FOXO1: variants seen among roughly 807,000 people sequenced by gnomAD.
FOXO1 encodes the protein forkhead box O1.
FOXO1 carries 6 observed loss-of-function variants against 44.1 expected under a neutral mutation model. The ratio of observed to expected loss-of-function variants is 0.14; its 90% CI spans 0.07 to 0.27. The LOEUF (loss-of-function observed/expected upper bound fraction) is 0.27. FOXO1 is among the 10% of genes least tolerant of loss of function. The probability of loss-of-function intolerance (pLI) is 1.00; values close to 1 mark genes in which losing one functional copy is unlikely to be tolerated. For synonymous variants in FOXO1, 380 were observed against 362.7 expected, an observed-to-expected ratio of 1.05 and a Z score of -0.54; for missense variants, 737 against 888.8, an observed-to-expected ratio of 0.83 and a Z score of 2.17.
chr13:40,640,453 G>A (rs1260129170), intron 1 of FOXO1, among the ~76,000 whole-genome samples: 2 of 152,186 alleles, frequency 1.3e-5, no homozygotes, highest in Admixed American at 1.3e-4. Context: ...GCGCTCCTGG[G>A]CGCTATTCTG....
In FOXO1 at chr13:40,566,743, A is replaced by C. The variant is rs142106210; in HGVS notation, c.631-5883T>G. Among the ~76,000 whole-genome samples, 13 of 152,284 alleles carry C rather than the reference A, an allele frequency of 8.5e-5. No homozygotes were observed. The East Asian group carries it at 2.5e-3, about 29-fold the overall frequency. ...TTGTGAATGTATTATATAATTACAC[A>C]ATATATTTAAAGTGTATAAACAAAT... On this transcript the variant is annotated intron_variant, in intron 1 of 2. Transcript: ENST00000379561.
At chr13:40,643,813 T>C (rs1043822534) in intron 1 of FOXO1, among the ~76,000 whole-genome samples, 6 of 152,196 alleles carry the variant, frequency 3.9e-5, no homozygotes, top group Admixed American at 6.5e-5. Context: ...ATGCTATTGC[T>C]GTATAATACA....
chr13:40,578,017 G>C (rs1165494127), intron 1 of FOXO1, among the ~76,000 whole-genome samples: 1 of 152,192 alleles, frequency 6.6e-6, no homozygotes, highest in Admixed American at 6.5e-5. Context: ...GAACATGGAT[G>C]CAGAATGTGC....
chr13:40,638,467 G>A (rs1877234420), intron 1 of FOXO1, among the ~76,000 whole-genome samples: 1 of 152,080 alleles, frequency 6.6e-6, no homozygotes, highest in Non-Finnish European at 1.5e-5. Flanking sequence ...ATATTAAGAT[G>A]TTTCCTGGGA....
At chr13:40,665,053 G>A (rs1294130655) in intron 1 of FOXO1, among the ~76,000 whole-genome samples, 1 of 151,762 alleles carries the variant, frequency 6.6e-6, no homozygotes, top group African/African-American at 2.4e-5. Flanking sequence ...GCCCTGCACC[G>A]TCCCCGGCCG....
chr13:40,647,044 G>C (rs1005250033), intron 1 of FOXO1, among the ~76,000 whole-genome samples: 1 of 152,166 alleles, frequency 6.6e-6, no homozygotes, highest in Admixed American at 6.5e-5. Flanking sequence ...CACCAGAGTA[G>C]ACAAGAAAAG....
intron 1 of FOXO1, among the ~76,000 whole-genome samples, chr13:40,653,735 T>C (rs1877760985): frequency 6.6e-6 from 1 of 152,170 alleles, no homozygotes. Context: ...CTTGGCTACT[T>C]TCAGATTTTT....
intron 1 of FOXO1, among the ~76,000 whole-genome samples, chr13:40,605,887 A>G (rs1002320355): frequency 2.0e-5 from 3 of 152,188 alleles, no homozygotes; most frequent in African/African-American, 7.2e-5. Context: ...ACCTCTTATC[A>G]GCTGACAAGT....
intron 1 of FOXO1, among the ~76,000 whole-genome samples, chr13:40,632,034 G>C (rs964552305): frequency 6.6e-6 from 1 of 152,204 alleles, no homozygotes; most frequent in African/African-American, 2.4e-5. Flanking sequence ...CACTTTGGGA[G>C]GCCATGGCAG....
intron 1 of FOXO1, among the ~76,000 whole-genome samples, chr13:40,629,669 A>C (rs1047079109): frequency 5.9e-5 from 9 of 152,196 alleles, no homozygotes; most frequent in African/African-American, 2.2e-4. Flanking sequence ...GCCACTCAAG[A>C]AGTTTCAGAT....
At chr13:40,630,352 A>G (rs753392101) in intron 1 of FOXO1, among the ~76,000 whole-genome samples, 1 of 152,118 alleles carries the variant, frequency 6.6e-6, no homozygotes, top group Non-Finnish European at 1.5e-5. Flanking sequence ...AGCAAAAATC[A>G]TTTGTCAACA....
chr13:40,579,448 A>G (rs9532562), intron 1 of FOXO1, among the ~76,000 whole-genome samples: 26,588 of 152,214 alleles, frequency 0.17, 2,700 homozygotes, highest in South Asian at 0.32. Flanking sequence ...TCAGAAATAC[A>G]CAGGCAGAGT....
intron 1 of FOXO1, among the ~76,000 whole-genome samples, chr13:40,589,690 G>T (rs976886906): frequency 6.6e-6 from 1 of 152,186 alleles, no homozygotes; most frequent in Non-Finnish European, 1.5e-5. Flanking sequence ...TATTGTTTCA[G>T]AACAAATTTC....
intron 1 of FOXO1, among the ~76,000 whole-genome samples, chr13:40,592,596 G>T (rs974795862): frequency 9.9e-5 from 15 of 152,202 alleles, no homozygotes; most frequent in Admixed American, 6.5e-4. Context: ...CAGAACTACA[G>T]CATCAGGTTA....
chr13:40,652,955 A>G (rs1222570187), intron 1 of FOXO1, among the ~76,000 whole-genome samples: 4 of 149,976 alleles, frequency 2.7e-5, no homozygotes, highest in Non-Finnish European at 5.9e-5. Flanking sequence ...TAAATTTGAA[A>G]TCTAAGTGCA....
intron 1 of FOXO1, among the ~76,000 whole-genome samples, chr13:40,660,285 C>T (rs1322600946): frequency 6.6e-6 from 1 of 152,196 alleles, no homozygotes; most frequent in Non-Finnish European, 1.5e-5. Context: ...TCCCCAATCA[C>T]TATGTGGTAT....
chr13:40,617,557 G>A (rs548333622), intron 1 of FOXO1, among the ~76,000 whole-genome samples: 1 of 152,130 alleles, frequency 6.6e-6, no homozygotes, highest in East Asian at 1.9e-4. Flanking sequence ...CAGCATCTAG[G>A]AGCCAGAAAA....
At chr13:40,562,306 G>A (rs968975133) in intron 1 of FOXO1, among the ~76,000 whole-genome samples, 6 of 152,138 alleles carry the variant, frequency 3.9e-5, no homozygotes, top group African/African-American at 9.7e-5. Flanking sequence ...TCAAGCTACC[G>A]CAGCTTCATA....
chr13:40,560,819 A>G lies in FOXO1; in HGVS notation c.672T>C (p.Ile224=). The G allele has an allele frequency of 1.9e-6, 3 of 1,613,816 alleles. No individual in the cohort carries two copies. Among genetic ancestry groups the G allele is most frequent in the Non-Finnish European group, 2.5e-6 (3 of 1,179,888 alleles). Residue 224 remains isoleucine, a synonymous_variant, in exon 2 of 3, where the codon ATT becomes ATC. Transcript: ENST00000379561. This position sits in a 1 kb window ranked among gnomAD's most constrained non-coding sequence, Gnocchi z 5.1. Reference sequence around the variant, plus strand: ...TTCCAGTTCCTTCATTCTGCACACGAATGAACTTGCTGTGTAGGGACAGAT... The same window carrying G: ...TTCCAGTTCCTTCATTCTGCACACGGATGAACTTGCTGTGTAGGGACAGAT... ...RHNLSLHSKF[I]RVQNEGTGKS...
Sources: gnomAD v4.1 joint callset for allele counts (sites outside exome capture counted in the v4.1 genomes callset) on GRCh38, gnomAD v4.1.1 for gene constraint, Gnocchi (gnomAD v3.1) non-coding constraint, MANE v1.5 for transcripts, NCBI Gene and HGNC (gene_info 2026-07-23, HGNC 2026-07-21) for gene names.